Variants in PXDN observed in about 807,000 individuals in gnomAD.
PXDN encodes the protein peroxidasin.
Under a neutral mutation model 140.3 loss-of-function variants are expected in PXDN, and 77 were observed. The ratio of observed to expected loss-of-function variants is 0.55; its 90% CI spans 0.46 to 0.66. The LOEUF is 0.66. Ranked by LOEUF, PXDN falls within the 30% of genes least tolerant of loss-of-function variation. The probability of loss-of-function intolerance (pLI) is 0.00; values close to 1 mark genes in which losing one functional copy is unlikely to be tolerated. For synonymous variants in PXDN, 911 were observed against 857.4 expected (o/e 1.06, Z -1.09); for missense variants, 1,838 against 2,039.5 (o/e 0.90, Z 1.90).
intron 9 of PXDN, among the ~76,000 whole-genome samples, chr2:1,673,000 T>TTG (rs1473838015): frequency 2.0e-5 from 3 of 152,220 alleles, no homozygotes; most frequent in Admixed American, 6.5e-5. Context: ...CCCAGAGCCA[T>TTG]GGTGGGTACA....
At chr2:1,719,347 G>A (rs1684964908) in intron 1 of PXDN, among the ~76,000 whole-genome samples, 2 of 152,164 alleles carry the variant, frequency 1.3e-5, no homozygotes, top group African/African-American at 4.8e-5. Context: ...TCTGTCCCAG[G>A]CCCTCCTGGG....
At chr2:1,712,807 C>T (rs938371839) in intron 1 of PXDN, among the ~76,000 whole-genome samples, 1 of 152,172 alleles carries the variant, frequency 6.6e-6, no homozygotes, top group African/African-American at 2.4e-5. Context: ...TCCCTGCAAC[C>T]TCCGCCTCCA....
At chr2:1,658,902 T>C (rs1193474586) in intron 14 of PXDN, among the ~76,000 whole-genome samples, 2 of 149,038 alleles carry the variant, frequency 1.3e-5, no homozygotes, top group African/African-American at 5.0e-5. Context: ...TGCTTCCCCC[T>C]CCGGCCCATG....
In PXDN at chr2:1,649,407, G is replaced by A; in HGVS notation, c.2373C>T (p.Ala791=). The change falls in exon 17 of 23, where the codon GCC becomes GCT. Residue 791 remains alanine (A), a synonymous_variant. Transcript: ENST00000252804. This position sits in a 1 kb window ranked among gnomAD's most constrained non-coding sequence, Gnocchi z 7.1. ...INPHRLYNGH[A]LPMPRLVSTT... is the part of the protein sequence containing the mutation. Reference sequence around the variant, plus strand: ...TGGACACCAGGCGCGGCATGGGAAGGGCGTGCCCGTTGTACAGTCGGTGGG... The same window carrying A: ...TGGACACCAGGCGCGGCATGGGAAGAGCGTGCCCGTTGTACAGTCGGTGGG... 1 of 1,613,990 alleles carries A rather than the reference G, an allele frequency of 6.2e-7. No individual in the cohort carries two copies.
At chr2:1,674,428 T>C (rs1480320646) in intron 8 of PXDN, among the ~76,000 whole-genome samples, 1 of 152,202 alleles carries the variant, frequency 6.6e-6, no homozygotes, top group Non-Finnish European at 1.5e-5. Flanking sequence ...CTCTGGGATC[T>C]GGGAGGAACC....
intron 1 of PXDN, among the ~76,000 whole-genome samples, chr2:1,730,881 G>T (rs1276716861): frequency 6.6e-6 from 1 of 151,892 alleles, no homozygotes; most frequent in Non-Finnish European, 1.5e-5. Context: ...TAATCACACT[G>T]GGCCATGATG....
At chr2:1,696,082 C>T (rs1283969835) in intron 1 of PXDN, among the ~76,000 whole-genome samples, 2 of 152,196 alleles carry the variant, frequency 1.3e-5, no homozygotes, top group African/African-American at 4.8e-5. Context: ...TCACACTGGA[C>T]CTCAAGGACT....
intron 9 of PXDN, among the ~76,000 whole-genome samples, chr2:1,672,811 C>G (rs1206275044): frequency 6.6e-6 from 1 of 152,178 alleles, no homozygotes; most frequent in Non-Finnish European, 1.5e-5. Context: ...GCCTGAAATA[C>G]AAAATACCAG....
At chr2:1,674,185 A>T (rs950585327) in intron 8 of PXDN, among the ~76,000 whole-genome samples, 3 of 152,230 alleles carry the variant, frequency 2.0e-5, no homozygotes, top group African/African-American at 7.2e-5. Flanking sequence ...TACATTACTA[A>T]AAGCCAGAGC....
At chr2:1,644,071 CAAAAAAAAAAAAAAA>C (rs74164529) in intron 18 of PXDN, among the ~76,000 whole-genome samples, 2 of 38,440 alleles carry the variant, frequency 5.2e-5, no homozygotes, top group African/African-American at 2.4e-4. Context: ...GACTCTGTCT[CAAAAAAAAAAAAAAA>C]AAAAAAAAAA....
chr2:1,656,853 C>G (rs1683148833), intron 14 of PXDN, among the ~76,000 whole-genome samples: 1 of 150,064 alleles, frequency 6.7e-6, no homozygotes, highest in African/African-American at 2.5e-5. Context: ...TTGACAGGGA[C>G]TTGCCCCCTC....
chr2:1,683,066 G>A (rs1041986287), intron 6 of PXDN, among the ~76,000 whole-genome samples: 1 of 151,896 alleles, frequency 6.6e-6, no homozygotes, highest in African/African-American at 2.4e-5. Context: ...AAATTAATTT[G>A]ATGAATTTAA....
At chr2:1,703,204 G>A (rs1272213629) in intron 1 of PXDN, among the ~76,000 whole-genome samples, 3 of 39,278 alleles carry the variant, frequency 7.6e-5, no homozygotes, top group African/African-American at 4.2e-4. Context: ...GGTGAAAGAG[G>A]GACAACTCCA....
At chr2:1,727,196 C>A (rs1685206936) in intron 1 of PXDN, among the ~76,000 whole-genome samples, 1 of 152,172 alleles carries the variant, frequency 6.6e-6, no homozygotes, top group Non-Finnish European at 1.5e-5. Flanking sequence ...ACACACAGCC[C>A]ACCCTCCACC....
intron 9 of PXDN, 23 bp downstream of exon 9, chr2:1,673,620 G>T: frequency 6.3e-7 from 1 of 1,595,674 alleles, no homozygotes; most frequent in Non-Finnish European, 8.6e-7. Flanking sequence ...ATGGAACCCC[G>T]GTGTGAAATG....
At chr2:1,744,531 G>C, upstream of PXDN, 1 of 1,246,118 alleles carries the variant, frequency 8.0e-7, no homozygotes, top group Admixed American at 4.3e-5. Context: ...CCCGGCCGCG[G>C]CCCACGTCCC....
At chr2:1,662,459 A>C (rs1384052977) in intron 12 of PXDN, among the ~76,000 whole-genome samples, 42 of 152,200 alleles carry the variant, frequency 2.8e-4, no homozygotes, top group Admixed American at 2.7e-3. Flanking sequence ...AGACAGCCGC[A>C]GGGTCCAGGA....
chr2:1,661,601 C>T (rs1683305779), intron 13 of PXDN, among the ~76,000 whole-genome samples: 1 of 152,146 alleles, frequency 6.6e-6, no homozygotes, highest in South Asian at 2.1e-4. Context: ...CCAGTGTGGC[C>T]AGCCCTGTGC....
intron 1 of PXDN, among the ~76,000 whole-genome samples, chr2:1,720,674 T>TCTCTCTGCATCTCTTTCTCC: frequency 6.8e-6 from 1 of 146,924 alleles, no homozygotes; most frequent in South Asian, 2.2e-4. Flanking sequence ...TCTCTTTCTC[T>TCTCTCTGCATCTCTTTCTCC]CTGCATCTCT....
Sources: gnomAD v4.1 joint callset for allele counts (sites outside exome capture counted in the v4.1 genomes callset) on GRCh38, gnomAD v4.1.1 for gene constraint, Gnocchi (gnomAD v3.1) non-coding constraint, MANE v1.5 for transcripts, NCBI Gene and HGNC (gene_info 2026-07-23, HGNC 2026-07-21) for gene names.